EPHA1: variants seen among roughly 807,000 people sequenced by gnomAD.
EPHA1 encodes the protein EPH receptor A1.
A neutral mutation model predicts 110.1 loss-of-function variants in EPHA1; 92 were observed. That is an observed-to-expected ratio of 0.84 (90% CI 0.71 to 0.99). The LOEUF (loss-of-function observed/expected upper bound fraction) is 0.99, where lower values mean the gene tolerates loss of function less well. EPHA1 is among the 50% of genes least tolerant of loss of function. EPHA1 has a pLI of 0.00. For missense variants in EPHA1, 1,204 were observed against 1,285.4 expected (o/e 0.94, Z 0.97); for synonymous variants, 500 against 516.1 (o/e 0.97, Z 0.42).
At chr7:143,404,290 C>A (rs1283150444) in intron 2 of EPHA1, among the ~76,000 whole-genome samples, 1 of 151,478 alleles carries the variant, frequency 6.6e-6, no homozygotes, top group Non-Finnish European at 1.5e-5. Flanking sequence ...GATCTTGGCT[C>A]ACTGCAAGCT....
At position 143,395,620 on chromosome 7, in the gene EPHA1, A is replaced by C. The variant is rs992677871; in HGVS notation, c.1898-116T>G. The stretch of plus-strand genomic sequence containing the variant: ...CTTTTCTGGAGAATCAGAAGCGTGG[A>C]GTGCCCTTCCTGGGACAGGGCGTGG... On this transcript the variant is annotated intron_variant, in intron 11 of 17. Transcript: ENST00000275815. The surrounding 1 kb of genome is among the most constrained non-coding windows in gnomAD (Gnocchi z 4.7). 1.7e-6 allele frequency: 2 copies of C among 1,144,794 alleles called. No individual in the cohort carries two copies. Among genetic ancestry groups the C allele is most frequent in the Non-Finnish European group, 2.4e-6 (2 of 820,240 alleles). 70.9% of individuals were successfully genotyped at this position (1,144,794 alleles called of 1,614,324 possible). A position where few individuals can be genotyped will look rare whatever the true frequency, so the allele number is the denominator to read the frequency against.
In EPHA1 at chr7:143,399,146, C is replaced by T; in HGVS notation, c.991+112G>A. 4 of 1,428,856 alleles carry T rather than the reference C, an allele frequency of 2.8e-6. No individual in the cohort carries two copies. In the South Asian group the frequency reaches 5.2e-5, roughly 19 times the overall value. 88.5% of individuals were successfully genotyped at this position (1,428,856 alleles called of 1,614,324 possible). A position where few individuals can be genotyped will look rare whatever the true frequency, so the allele number is the denominator to read the frequency against. ...GGCAGGGGCTAAAAGTGCCTGACACCCTGGACCATCTCCAATATCTGACAA... is the reference window on the plus strand; with the variant it reads ...GGCAGGGGCTAAAAGTGCCTGACACTCTGGACCATCTCCAATATCTGACAA... On this transcript the variant is annotated intron_variant, in intron 5 of 17. Coordinates refer to ENST00000275815, the MANE Select transcript of EPHA1 (RefSeq NM_005232.5).
At position 143,393,545 on chromosome 7, in the gene EPHA1, T is replaced by C; in HGVS notation, c.2696+126A>G. 9.6e-7 allele frequency: 1 copy of C among 1,045,968 alleles called. No individual in the cohort carries two copies. The highest frequency in any genetic ancestry group is 1.4e-6 in the Non-Finnish European group (1 of 732,478). 64.8% of individuals were successfully genotyped at this position (1,045,968 alleles called of 1,614,324 possible). On this transcript the variant is annotated intron_variant, in intron 16 of 17. Transcript: ENST00000275815. This position sits in a 1 kb window ranked among gnomAD's most constrained non-coding sequence, Gnocchi z 5.6. ...TTGGACTCTCCCCAAGGGCACGTCTTGCCTCATACACTGGACTTGGTCCAG... is the reference window on the plus strand; with the variant it reads ...TTGGACTCTCCCCAAGGGCACGTCTCGCCTCATACACTGGACTTGGTCCAG...
In EPHA1 at chr7:143,395,590, C is replaced by A; in HGVS notation, c.1898-86G>T. The A allele has an allele frequency of 7.2e-7, 1 of 1,396,782 alleles. No individual in the cohort carries two copies. The allele number at this position is 1,396,782 out of a possible 1,614,324, so 86.5% of individuals were successfully genotyped here. ...CAGCAACCCCTCCAGTCCTCCGGCC[C>A]TTTTCTTTTCTGGAGAATCAGAAGC... On this transcript the variant is annotated intron_variant, in intron 11 of 17. Coordinates refer to ENST00000275815, the MANE Select transcript of EPHA1 (RefSeq NM_005232.5). The surrounding 1 kb of genome is among the most constrained non-coding windows in gnomAD (Gnocchi z 4.7).
chr7:143,394,886 A>G lies in EPHA1; in HGVS notation c.2274T>C (p.Asn758=), dbSNP rs755323612. Residue 758 remains asparagine (N), a synonymous_variant, in exon 14 of 18, where the codon AAT becomes AAC. Coordinates refer to ENST00000275815, the MANE Select transcript of EPHA1 (RefSeq NM_005232.5). ...CAGACACCTTGCAGCACAGGTTTTG[A>G]TTCACCAAGATGTTTCTGGCAGCCA... ...RDLAARNILV[N]QNLCCKVSDF... 3 of 1,614,078 alleles carry G rather than the reference A, an allele frequency of 1.9e-6. No individual in the cohort carries two copies. The highest frequency in any genetic ancestry group is 1.7e-5 in the Admixed American group (1 of 60,002).
chr7:143,395,443 C>T lies in EPHA1; in HGVS notation c.1959G>A (p.Val653=), dbSNP rs1375366318. The T allele has an allele frequency of 1.9e-6, 3 of 1,614,082 alleles. No individual in the cohort carries two copies. The African/African-American group carries it at 4.0e-5, about 22-fold the overall frequency. ...ATGTGTCTTTTAAGGTCTTAATGGCCACAGTCTTGCAGTCCTGGCTGGGGA... is the reference window on the plus strand; with the variant it reads ...ATGTGTCTTTTAAGGTCTTAATGGCTACAGTCTTGCAGTCCTGGCTGGGGA... ...LRLPSQDCKT[V]AIKTLKDTSP... Residue 653 remains valine, a synonymous_variant, in exon 12 of 18, where the codon GTG becomes GTA. Coordinates refer to ENST00000275815, the MANE Select transcript of EPHA1 (RefSeq NM_005232.5). This position sits in a 1 kb window ranked among gnomAD's most constrained non-coding sequence, Gnocchi z 4.7.
chr7:143,394,703 A>C, intron 14 of EPHA1, 105 bp downstream of exon 14: 1 of 1,353,566 alleles, frequency 7.4e-7, no homozygotes, highest in Non-Finnish European at 1.0e-6. Flanking sequence ...TACAGGTGTG[A>C]GCCACCGTGC....
rs1405316952 is a variant in EPHA1, at chr7:143,397,547, G to C, written c.1712+14C>G. 1 of 1,612,682 alleles carries C rather than the reference G, an allele frequency of 6.2e-7. No individual in the cohort carries two copies. Among genetic ancestry groups the C allele is most frequent in the Admixed American group, 1.7e-5 (1 of 60,016 alleles). ...CCCAGGGCTGGTGGTTGGGGAGGGG[G>C]CAGGAGCTGGCACCTGGACCGGAAA... On this transcript the variant is annotated intron_variant, in intron 9 of 17. Transcript: ENST00000275815.
chr7:143,399,637 G>A lies in EPHA1; in HGVS notation c.835+14C>T, dbSNP rs376871645. On this transcript the variant is annotated intron_variant, in intron 4 of 17. Coordinates refer to ENST00000275815, the MANE Select transcript of EPHA1 (RefSeq NM_005232.5). ...CCGAGTGGTTCCTCAGGTTCTCACC[G>A]CCTCCGTTCTTACCAACACATGCTT... is the stretch of plus-strand genomic sequence containing the variant. The A allele has an allele frequency of 2.2e-5, 36 of 1,612,150 alleles. No homozygotes were observed. In the African/African-American group the frequency reaches 2.4e-4, roughly 11 times the overall value.
Position 143,394,830 on chromosome 7 carries a change from A to C in EPHA1, c.2330T>G (p.Phe777Cys), listed in dbSNP as rs771554580. Residue 777 changes from phenylalanine to cysteine, a missense_variant, in exon 14 of 18, where the codon TTT becomes TGT. Phe to Cys is a radical substitution (Grantham distance 205). Transcript: ENST00000275815. ...AACCTGGGTTTCGTATGTGCCATCA[A>C]AGTCATCCAGGAGGCGAGTCAGGCC... ...DFGLTRLLDD[F>C]DGTYETQGGK... The C allele has an allele frequency of 6.2e-7, 1 of 1,614,136 alleles. No homozygotes were observed. The highest frequency in any genetic ancestry group is 8.5e-7 in the Non-Finnish European group (1 of 1,180,026).
At chr7:143,406,711 G>A (rs564476456) in intron 2 of EPHA1, among the ~76,000 whole-genome samples, 1 of 152,198 alleles carries the variant, frequency 6.6e-6, no homozygotes, top group Non-Finnish European at 1.5e-5. Context: ...CTCAGCTACT[G>A]TCCACTGAAG....
At chr7:143,397,770 G>T in intron 8 of EPHA1, 113 bp from the exon 9 acceptor site, 1 of 1,516,230 alleles carries the variant, frequency 6.6e-7, no homozygotes, top group Non-Finnish European at 9.1e-7. Context: ...GTGTGCATCA[G>T]GTCGGTGTCT....
At position 143,400,006 on chromosome 7, in the gene EPHA1, C is replaced by T. The variant is rs750278271; in HGVS notation, c.480G>A (p.Val160=). ...CCACATTCAGCTTCACGGAGCCAGA[C>T]ACAAGGTCTCGAATGGTGAAGCTCT... ...ADQSFTIRDL[V]SGSVKLNVER... Residue 160 remains valine (V), a synonymous_variant, in exon 4 of 18, where the codon GTG becomes GTA. Coordinates refer to ENST00000275815, the MANE Select transcript of EPHA1 (RefSeq NM_005232.5). 2.4e-5 allele frequency: 38 copies of T among 1,613,450 alleles called. No homozygotes were observed. The highest frequency in any genetic ancestry group is 1.6e-4 in the Middle Eastern group (1 of 6,080).
intron 14 of EPHA1, 115 bp from the exon 15 acceptor site, chr7:143,394,458 G>T: frequency 7.7e-7 from 1 of 1,298,146 alleles, no homozygotes; most frequent in African/African-American, 1.5e-5. Context: ...GTCTCGCTCT[G>T]TTGCTAGGCT....
chr7:143,407,938 T>C lies in EPHA1; in HGVS notation c.83-260A>G, dbSNP rs1182156128. 7.6e-5 allele frequency: 23 copies of C among 302,642 alleles called. No homozygotes were observed. The South Asian group carries it at 1.6e-3, about 21-fold the overall frequency. 18.7% of individuals were successfully genotyped at this position (302,642 alleles called of 1,614,324 possible). ...GCGCTGGGTCTTTGACCAAAGTCAA[T>C]GCAAGAAGAGCAGCCCCACGAGACG... On this transcript the variant is annotated intron_variant, in intron 1 of 17. Transcript: ENST00000275815.
chr7:143,397,990 T>G lies in EPHA1; in HGVS notation c.1545A>C (p.Arg515Ser), dbSNP rs964910085. The G allele has an allele frequency of 4.3e-6, 7 of 1,614,114 alleles. No individual in the cohort carries two copies. Among genetic ancestry groups the G allele is most frequent in the Non-Finnish European group, 5.9e-6 (7 of 1,180,014 alleles). The change falls in exon 8 of 18, where the codon AGA becomes AGC. Residue 515 changes from arginine to serine, a missense_variant. Coordinates refer to ENST00000275815, the MANE Select transcript of EPHA1 (RefSeq NM_005232.5). ...ELQPDTTYIV[R>S]VRMLTPLGPG... is the part of the protein sequence containing the mutation. ...GACCCAGTGGGGTCAGCATTCGGAC[T>G]CTGACGATGTATGTGGTGTCAGGCT... is the stretch of plus-strand genomic sequence containing the variant.
chr7:143,405,565 G>A (rs1805527940), intron 2 of EPHA1, among the ~76,000 whole-genome samples: 1 of 152,144 alleles, frequency 6.6e-6, no homozygotes, highest in Non-Finnish European at 1.5e-5. Context: ...TTTTGCCTGT[G>A]CTGAGAAAGT....
At chr7:143,403,105 G>A (rs185265793) in intron 2 of EPHA1, among the ~76,000 whole-genome samples, 106 of 152,270 alleles carry the variant, frequency 7.0e-4, no homozygotes, top group Non-Finnish European at 1.1e-3. Context: ...GGTGGCTCAC[G>A]CCTGTAATCC....
At position 143,401,346 on chromosome 7, in the gene EPHA1, A is replaced by T; in HGVS notation, c.410T>A (p.Leu137His). Residue 137 changes from leucine to histidine, a missense_variant, in exon 3 of 18, where the codon CTC (leucine) becomes CAC (histidine). Leu to His is a moderately conservative substitution (Grantham distance 99). Coordinates refer to ENST00000275815, the MANE Select transcript of EPHA1 (RefSeq NM_005232.5). This position sits in a 1 kb window ranked among gnomAD's most constrained non-coding sequence, Gnocchi z 4.1. Reference protein sequence around the residue: ...MESDQDVGIQLRRPLFQKVTT... With the variant: ...MESDQDVGIQHRRPLFQKVTT... ...CACCTTCTGGAACAAGGGCCGTCGG[A>T]GCTGAATGCCCACATCCTGGTCACT... The T allele has an allele frequency of 6.2e-7, 1 of 1,613,978 alleles. No individual in the cohort carries two copies. The highest frequency in any genetic ancestry group is 8.5e-7 in the Non-Finnish European group (1 of 1,179,990).
Sources: allele counts gnomAD v4.1 joint callset (sites outside exome capture counted in the v4.1 genomes callset), GRCh38; gene constraint gnomAD v4.1.1; non-coding constraint Gnocchi (gnomAD v3.1); transcripts MANE v1.5; gene names NCBI Gene and HGNC (gene_info 2026-07-23, HGNC 2026-07-21).